RBMS1: variants seen among roughly 807,000 people sequenced by gnomAD.
RBMS1 encodes the protein RNA-binding motif, single-stranded-interacting protein 1.
A neutral mutation model predicts 62.3 loss-of-function variants in RBMS1; 17 were observed. That is an observed-to-expected ratio of 0.27 (90% confidence interval 0.19 to 0.41). RBMS1 has a LOEUF of 0.41. RBMS1 is among the 10% of genes least tolerant of loss of function. The pLI, the probability that RBMS1 is intolerant of heterozygous loss-of-function variation, is 1.00. For missense variants in RBMS1, 334 were observed against 504.5 expected (o/e 0.66, Z 3.24); for synonymous variants, 172 against 170.0 (o/e 1.01, Z -0.09).
intron 1 of RBMS1, among the ~76,000 whole-genome samples, chr2:160,451,615 A>G (rs894482707): frequency 9.9e-5 from 15 of 151,976 alleles, no homozygotes; most frequent in African/African-American, 3.6e-4. Flanking sequence ...TATTATTATT[A>G]TTATTATTTT....
intron 1 of RBMS1, among the ~76,000 whole-genome samples, chr2:160,417,344 G>T (rs13035202): frequency 0.21 from 32,202 of 152,160 alleles, 4,003 homozygotes; most frequent in Admixed American, 0.37. Flanking sequence ...ATCATAAAGA[G>T]AGACTGTAAA....
intron 1 of RBMS1, among the ~76,000 whole-genome samples, chr2:160,371,347 G>C (rs539773228): frequency 6.6e-6 from 1 of 152,294 alleles, no homozygotes; most frequent in African/African-American, 2.4e-5. Context: ...AACGTGAAAA[G>C]ACCCTCTATG....
chr2:160,283,330 G>C (rs1468143646), intron 9 of RBMS1: 3 of 152,182 alleles, frequency 2.0e-5, no homozygotes, highest in Non-Finnish European at 4.4e-5. Flanking sequence ...TTAGGGAAGT[G>C]CACTAGAGCA....
chr2:160,397,869 G>A (rs542398515), intron 1 of RBMS1, among the ~76,000 whole-genome samples: 50 of 152,122 alleles, frequency 3.3e-4, no homozygotes, highest in Non-Finnish European at 6.2e-4. Context: ...GACACTCTCC[G>A]GATTCTCTCA....
intron 1 of RBMS1, among the ~76,000 whole-genome samples, chr2:160,449,848 G>A (rs1291666177): frequency 6.6e-6 from 1 of 151,992 alleles, no homozygotes; most frequent in Non-Finnish European, 1.5e-5. Flanking sequence ...ATTAAAAAAT[G>A]GGGGATGAAT....
intron 1 of RBMS1, among the ~76,000 whole-genome samples, chr2:160,468,610 T>C (rs1199108804): frequency 6.6e-6 from 1 of 152,250 alleles, no homozygotes; most frequent in Non-Finnish European, 1.5e-5. Flanking sequence ...ATGTACAGTA[T>C]GTGGGACAGG....
intron 1 of RBMS1, among the ~76,000 whole-genome samples, chr2:160,433,548 T>C (rs1384991266): frequency 6.6e-6 from 1 of 152,242 alleles, no homozygotes; most frequent in Non-Finnish European, 1.5e-5. Flanking sequence ...CAAGTGAAAT[T>C]TGGTCCAAAT....
chr2:160,392,403 T>C (rs1294606877), intron 1 of RBMS1, among the ~76,000 whole-genome samples: 2 of 152,062 alleles, frequency 1.3e-5, no homozygotes, highest in Admixed American at 1.3e-4. Context: ...TGCTGAGTAA[T>C]TGTGACAGAG....
chr2:160,486,490 T>C (rs1685606060), intron 1 of RBMS1, among the ~76,000 whole-genome samples: 3 of 152,300 alleles, frequency 2.0e-5, no homozygotes, highest in Admixed American at 1.3e-4. Context: ...CTCATTTTGT[T>C]GCACAAAACC....
chr2:160,493,261 C>T, intron 1 of RBMS1, 28 bp downstream of exon 1: 3 of 1,607,046 alleles, frequency 1.9e-6, no homozygotes, highest in Non-Finnish European at 2.6e-6. Flanking sequence ...CCTCCTCCGG[C>T]CGTCACCTCT....
At chr2:160,443,217 A>C (rs1182417328) in intron 1 of RBMS1, among the ~76,000 whole-genome samples, 4 of 149,484 alleles carry the variant, frequency 2.7e-5, no homozygotes, top group African/African-American at 4.9e-5. Context: ...AAAACAAAAA[A>C]AAAAACAAAA....
chr2:160,336,992 T>A (rs927841592), intron 2 of RBMS1, among the ~76,000 whole-genome samples: 8 of 152,320 alleles, frequency 5.3e-5, no homozygotes, highest in African/African-American at 1.9e-4. Flanking sequence ...ATCCAACTTT[T>A]GTACTTCTGA....
rs10530445 is a variant in RBMS1, at chr2:160,311,232, C to CTATATATATATA, written c.402+1912_402+1923dup. Among the ~76,000 whole-genome samples, 176 of 79,230 alleles carry CTATATATATATA rather than the reference C, an allele frequency of 2.2e-3. 3 individuals are homozygous for CTATATATATATA. Among genetic ancestry groups the CTATATATATATA allele is most frequent in the South Asian group, 2.3e-3 (5 of 2,198 alleles). 52.0% of individuals were successfully genotyped at this position (79,230 alleles called of 152,430 possible). A position where few individuals can be genotyped will look rare whatever the true frequency, so the allele number is the denominator to read the frequency against. ...AAAATCTATCTATCTATCTATCTAT[C>CTATATATATATA]TATATATATATATATATATATATAT... On this transcript the variant is annotated intron_variant, in intron 4 of 13. Transcript: ENST00000348849.
At chr2:160,367,945 C>G (rs1693501787) in intron 1 of RBMS1, among the ~76,000 whole-genome samples, 2 of 152,126 alleles carry the variant, frequency 1.3e-5, no homozygotes, top group African/African-American at 4.8e-5. Context: ...CCCAGGCAGG[C>G]TGCCTTTCGC....
chr2:160,449,881 G>A (rs963276081), intron 1 of RBMS1, among the ~76,000 whole-genome samples: 1 of 152,070 alleles, frequency 6.6e-6, no homozygotes, highest in African/African-American at 2.4e-5. Context: ...TGCCCTGCTT[G>A]GTGCTAAATG....
At chr2:160,482,683 T>C (rs1459311706) in intron 1 of RBMS1, among the ~76,000 whole-genome samples, 2 of 152,218 alleles carry the variant, frequency 1.3e-5, no homozygotes, top group African/African-American at 4.8e-5. Context: ...ATTTAAAATA[T>C]CTGGCTTCTT....
chr2:160,313,040 G>A, intron 4 of RBMS1, 116 bp downstream of exon 4: 1 of 901,076 alleles, frequency 1.1e-6, no homozygotes, highest in Non-Finnish European at 1.7e-6. Flanking sequence ...TGTCCAGAAG[G>A]CGCTGTGCTG....
chr2:160,340,072 C>G (rs1307494340), intron 2 of RBMS1, among the ~76,000 whole-genome samples: 2 of 152,092 alleles, frequency 1.3e-5, no homozygotes, highest in Non-Finnish European at 1.5e-5. Context: ...GCTTCTTCAC[C>G]AATGGTATTA....
intron 1 of RBMS1, among the ~76,000 whole-genome samples, chr2:160,485,494 T>C (rs1685563921): frequency 6.6e-6 from 1 of 152,324 alleles, no homozygotes; most frequent in East Asian, 1.9e-4. Context: ...TGGGTTACTT[T>C]TACAGACTCT....
Sources: allele counts gnomAD v4.1 joint callset (sites outside exome capture counted in the v4.1 genomes callset), GRCh38; gene constraint gnomAD v4.1.1; transcripts MANE v1.5; gene names NCBI Gene and HGNC (gene_info 2026-07-23, HGNC 2026-07-21).